The following TEAD2 variants were observed in gnomAD, a reference collection of about 807,000 sequenced individuals.
The protein encoded by TEAD2 is TEA domain transcription factor 2.
Under a neutral mutation model 61.4 loss-of-function variants are expected in TEAD2, and 51 were observed. That is an observed-to-expected ratio of 0.83 (90% CI 0.66 to 1.05). The LOEUF (loss-of-function observed/expected upper bound fraction) is 1.05, where lower values mean the gene tolerates loss of function less well. Among genes scored for constraint, TEAD2 ranks in the 50% least tolerant of loss-of-function variants. The pLI, the probability that TEAD2 is intolerant of heterozygous loss-of-function variation, is 0.00. For missense variants in TEAD2, 509 were observed against 600.0 expected, an observed-to-expected ratio of 0.85 and a Z score of 1.58; for synonymous variants, 244 against 243.2, an observed-to-expected ratio of 1.00 and a Z score of -0.03.
chr19:49,342,726 CCA>C (rs1434967515), intron 11 of TEAD2, 136 bp from the exon 12 acceptor site: 24 of 1,096,700 alleles, frequency 2.2e-5, no homozygotes, highest in African/African-American at 3.1e-5. Flanking sequence ...ATCACCCCAC[CCA>C]CAGTGACTGG....
chr19:49,351,176 TCAAAA>T, intron 8 of TEAD2, 120 bp downstream of exon 8: 2 of 1,013,004 alleles, frequency 2.0e-6, no homozygotes, highest in Non-Finnish European at 2.9e-6. Context: ...AGACTCCATC[TCAAAA>T]CAAAACAAAA....
chr19:49,360,800 G>GT (rs1555786387), intron 1 of TEAD2, among the ~76,000 whole-genome samples: 1 of 29,970 alleles, frequency 3.3e-5, no homozygotes, highest in East Asian at 7.8e-4. Flanking sequence ...AGACCAGCAA[G>GT]GGGGGGGGAC....
Position 49,359,971 on chromosome 19 carries a change from AC to A in TEAD2, c.104del (p.Gly35ValfsTer34). 1.2e-6 allele frequency: 2 copies of A among 1,607,952 alleles called. No homozygotes were observed. On this transcript the variant is annotated frameshift_variant, in exon 2 of 13. Coordinates refer to ENST00000593945, the MANE Select transcript of TEAD2 (RefSeq NM_001256660.2). LOFTEE classifies it high-confidence loss of function. This position sits in a 1 kb window ranked among gnomAD's most constrained non-coding sequence, Gnocchi z 4.1. ...EGTGGSEGAG[G>X]DGGPDAEGVW... ...CCCCCTCTGCATCCGGGCCCCCGTC[AC>A]CCCCAGCCCCCTCACTGCCGCCGGT...
In TEAD2 at chr19:49,351,300, C is replaced by A. The variant is rs1357466722; in HGVS notation, c.604+1G>T. The A allele has an allele frequency of 2.5e-6, 4 of 1,610,668 alleles. No homozygotes were observed. The highest frequency in any genetic ancestry group is 3.4e-6 in the Non-Finnish European group (4 of 1,178,842). ...AGGGAGGGTGGAGCGCAGGCTCTTA[C>A]CTGGGAGGTCAGTAGATGGGGGAGT... On this transcript the variant is annotated splice_donor_variant, in intron 8 of 12. Coordinates refer to ENST00000593945, the MANE Select transcript of TEAD2 (RefSeq NM_001256660.2). LOFTEE classifies it high-confidence loss of function.
intron 7 of TEAD2, among the ~76,000 whole-genome samples, chr19:49,353,621 C>G (rs146014487): frequency 1.3e-5 from 2 of 152,116 alleles, no homozygotes; most frequent in South Asian, 2.1e-4. Flanking sequence ...AGCGTCAGGG[C>G]AGTGCCTGCC....
intron 10 of TEAD2, among the ~76,000 whole-genome samples, chr19:49,345,858 G>C (rs1971594601): frequency 6.6e-6 from 1 of 151,894 alleles, no homozygotes; most frequent in African/African-American, 2.4e-5. Flanking sequence ...GTAAAACCCT[G>C]TCTCTACTAA....
intron 3 of TEAD2, among the ~76,000 whole-genome samples, chr19:49,358,695 C>T (rs1040254085): frequency 6.6e-6 from 1 of 150,566 alleles, no homozygotes; most frequent in Non-Finnish European, 1.5e-5. Flanking sequence ...TGCAGTAGCA[C>T]GATCTTGGCT....
chr19:49,346,360 A>G (rs1971640549), intron 10 of TEAD2, among the ~76,000 whole-genome samples: 1 of 151,654 alleles, frequency 6.6e-6, no homozygotes, highest in Non-Finnish European at 1.5e-5. Flanking sequence ...TGATTGCTAC[A>G]TAAATACAGG....
intron 1 of TEAD2, chr19:49,360,442 C>T: frequency 3.3e-6 from 1 of 304,656 alleles, no homozygotes; most frequent in Non-Finnish European, 6.1e-6. Flanking sequence ...GGAGAAGGAG[C>T]TGGATTTCTT....
At chr19:49,342,950 C>T (rs1243655828) in intron 11 of TEAD2, among the ~76,000 whole-genome samples, 1 of 152,104 alleles carries the variant, frequency 6.6e-6, no homozygotes, top group Non-Finnish European at 1.5e-5. Context: ...GTAAGTGTGA[C>T]TTCTGAACCT....
At position 49,343,262 on chromosome 19, in the gene TEAD2, G is replaced by C. The variant is rs755358183; in HGVS notation, c.1058C>G (p.Ser353Cys). ...MTLTCSSKVC[S>C]FGKQVVEKVE... Reference sequence around the variant, plus strand: ...CTTCTCCACCACCTGCTTGCCAAAAGAGCAGACCTTGGAGGAACAGGTGAG... The same window carrying C: ...CTTCTCCACCACCTGCTTGCCAAAACAGCAGACCTTGGAGGAACAGGTGAG... The change falls in exon 11 of 13, where the codon TCT (serine) becomes TGT (cysteine). Residue 353 changes from serine (S) to cysteine (C), a missense_variant. Physicochemically the swap from Ser to Cys is moderately radical, Grantham distance 112. Transcript: ENST00000593945. The C allele has an allele frequency of 6.2e-7, 1 of 1,613,484 alleles. No individual in the cohort carries two copies. Among genetic ancestry groups the C allele is most frequent in the South Asian group, 1.1e-5 (1 of 91,016 alleles).
In TEAD2 at chr19:49,343,344, T is replaced by C; in HGVS notation, c.976A>G (p.Ser326Gly). The C allele has an allele frequency of 6.2e-7, 1 of 1,613,758 alleles. No individual in the cohort carries two copies. Among genetic ancestry groups the C allele is most frequent in the Non-Finnish European group, 8.5e-7 (1 of 1,179,956 alleles). The change falls in exon 11 of 13, where the codon AGC becomes GGC. Residue 326 changes from serine to glycine, a missense_variant. Ser to Gly is a moderately conservative substitution (Grantham distance 56, BLOSUM62 0). Transcript: ENST00000593945. Reference sequence around the variant, plus strand: ...CTCACTCCGTAGAAGCCACCACTGCTGATGCTGCCACCGGCCCCTGCCTCC... The same window carrying C: ...CTCACTCCGTAGAAGCCACCACTGCCGATGCTGCCACCGGCCCCTGCCTCC... ...GEEAGAGGSI[S>G]SGGFYGVSSQ...
At chr19:49,346,811 A>G (rs1057005072) in intron 10 of TEAD2, among the ~76,000 whole-genome samples, 10 of 152,172 alleles carry the variant, frequency 6.6e-5, no homozygotes, top group Admixed American at 2.6e-4. Flanking sequence ...CAGTCTCCAC[A>G]AGTCCACTGG....
At chr19:49,351,255 G>T (rs930126086) in intron 8 of TEAD2, 46 bp downstream of exon 8, 5 of 1,564,006 alleles carry the variant, frequency 3.2e-6, no homozygotes, top group Non-Finnish European at 3.5e-6. Flanking sequence ...AGTAGGGGTC[G>T]AAGAGAGAGA....
chr19:49,350,515 T>C (rs1297245674), intron 8 of TEAD2, among the ~76,000 whole-genome samples: 1 of 151,570 alleles, frequency 6.6e-6, no homozygotes, highest in Admixed American at 6.6e-5. Flanking sequence ...TTAGTAGAGG[T>C]TGGGGGGGGT....
Position 49,351,344 on chromosome 19 carries a change from T to G in TEAD2, c.561A>C (p.Thr187=), listed in dbSNP as rs554826055. 2 of 1,612,174 alleles carry G rather than the reference T, an allele frequency of 1.2e-6. No individual in the cohort carries two copies. The highest frequency in any genetic ancestry group is 1.7e-6 in the Non-Finnish European group (2 of 1,179,358). Residue 187 remains threonine, a synonymous_variant, in exon 8 of 13, where the codon ACA becomes ACC. Coordinates refer to ENST00000593945, the MANE Select transcript of TEAD2 (RefSeq NM_001256660.2). ...GGGGAGTCAGTGACAAGGTGAACGG[T>G]GTCTGTGAGAATGGCTTCACACTGA... ...NVPDVKPFSQ[T]PFTLSLTPPS...
chr19:49,348,985 G>A, intron 8 of TEAD2, 140 bp from the exon 9 acceptor site: 2 of 1,178,248 alleles, frequency 1.7e-6, no homozygotes, highest in Non-Finnish European at 2.3e-6. Context: ...AGTTAGAAGT[G>A]GCCATGTGAC....
chr19:49,348,780 C>T lies in TEAD2; in HGVS notation c.670G>A (p.Ala224Thr), dbSNP rs933363180. 2 of 1,613,168 alleles carry T rather than the reference C, an allele frequency of 1.2e-6. No individual in the cohort carries two copies. The highest frequency in any genetic ancestry group is 8.5e-7 in the Non-Finnish European group (1 of 1,179,636). ...PPTPSPPAWQARGLGTARLQL... is the reference protein window; with the variant it reads ...PPTPSPPAWQTRGLGTARLQL... Reference sequence around the variant, plus strand: ...AACCGGGCGGTGCCCAGGCCCCGAGCCTGCCAGGCTGGGGGCGATGGGGTA... The same window carrying T: ...AACCGGGCGGTGCCCAGGCCCCGAGTCTGCCAGGCTGGGGGCGATGGGGTA... Residue 224 changes from alanine to threonine, a missense_variant, in exon 9 of 13, where the codon GCT becomes ACT. Transcript: ENST00000593945.
Position 49,359,563 on chromosome 19 carries a change from C to T in TEAD2, c.233-64G>A. Reference sequence around the variant, plus strand: ...CAACAGAACTTCCCCACAGCATGGACACCAGGGAAGAAGAAAGCAGCATGG... The same window carrying T: ...CAACAGAACTTCCCCACAGCATGGATACCAGGGAAGAAGAAAGCAGCATGG... On this transcript the variant is annotated intron_variant, in intron 2 of 12. Transcript: ENST00000593945. The surrounding 1 kb of genome is among the most constrained non-coding windows in gnomAD (Gnocchi z 4.1). 6.4e-7 allele frequency: 1 copy of T among 1,571,276 alleles called. No homozygotes were observed. Among genetic ancestry groups the T allele is most frequent in the Non-Finnish European group, 8.8e-7 (1 of 1,141,724 alleles).
Sources: gnomAD v4.1 joint callset for allele counts (sites outside exome capture counted in the v4.1 genomes callset) on GRCh38, gnomAD v4.1.1 for gene constraint, Gnocchi (gnomAD v3.1) non-coding constraint, MANE v1.5 for transcripts, NCBI Gene and HGNC (gene_info 2026-07-23, HGNC 2026-07-21) for gene names.